The following WDR70 variants were observed in gnomAD, a reference collection of about 807,000 sequenced individuals.
WDR70 encodes the protein WD repeat domain 70, also known as WD repeat-containing protein 70.
Under a neutral mutation model 88.6 loss-of-function variants are expected in WDR70, and 53 were observed. The observed-to-expected ratio is 0.60, with a 90% confidence interval of 0.48 to 0.75. WDR70 has a LOEUF of 0.75. Among genes scored for constraint, WDR70 ranks in the 30% least tolerant of loss-of-function variants. WDR70 has a pLI of 0.00. For synonymous variants in WDR70, 280 were observed against 270.0 expected (o/e 1.04, Z -0.36); for missense variants, 610 against 823.2 (o/e 0.74, Z 3.17).
chr5:37,404,430 A>G (rs1237536555), intron 5 of WDR70, among the ~76,000 whole-genome samples: 1 of 152,246 alleles, frequency 6.6e-6, no homozygotes, highest in East Asian at 1.9e-4. Context: ...ACCCTTTCAT[A>G]TAGCTCAGAG....
At chr5:37,403,571 A>G (rs372410894) in intron 5 of WDR70, among the ~76,000 whole-genome samples, 22 of 152,354 alleles carry the variant, frequency 1.4e-4, no homozygotes, top group African/African-American at 5.3e-4. Context: ...GTTCATAATC[A>G]CTGTGGCACT....
intron 10 of WDR70, among the ~76,000 whole-genome samples, chr5:37,691,376 A>G (rs1212662158): frequency 6.6e-6 from 1 of 152,238 alleles, no homozygotes; most frequent in Non-Finnish European, 1.5e-5. Context: ...AGACATGTAC[A>G]GAACTCTCCA....
At chr5:37,687,336 T>C (rs562134259) in intron 10 of WDR70, among the ~76,000 whole-genome samples, 2 of 152,292 alleles carry the variant, frequency 1.3e-5, no homozygotes, top group South Asian at 4.1e-4. Context: ...TTGTGCCTCT[T>C]TGTTTTATTA....
intron 10 of WDR70, among the ~76,000 whole-genome samples, chr5:37,622,202 T>A (rs986348119): frequency 6.6e-6 from 1 of 152,012 alleles, no homozygotes; most frequent in South Asian, 2.1e-4. Context: ...ATACCATCTC[T>A]CACCAGTTAG....
intron 10 of WDR70, among the ~76,000 whole-genome samples, chr5:37,692,617 C>T (rs914796795): frequency 4.6e-5 from 7 of 152,094 alleles, no homozygotes; most frequent in Non-Finnish European, 1.0e-4. Flanking sequence ...AAAAACACCA[C>T]GTGATTATCT....
chr5:37,735,023 T>C (rs1005849082), intron 17 of WDR70, among the ~76,000 whole-genome samples: 1 of 152,208 alleles, frequency 6.6e-6, no homozygotes, highest in Non-Finnish European at 1.5e-5. Flanking sequence ...AACTTATCCA[T>C]TTTATAAAGA....
chr5:37,452,899 C>T (rs1738718530), intron 7 of WDR70, among the ~76,000 whole-genome samples: 1 of 152,130 alleles, frequency 6.6e-6, no homozygotes, highest in South Asian at 2.1e-4. Context: ...AGATAGAAGT[C>T]CAAGTCTAGG....
chr5:37,414,208 G>A (rs527811688), intron 5 of WDR70, among the ~76,000 whole-genome samples: 4 of 151,060 alleles, frequency 2.6e-5, no homozygotes, highest in African/African-American at 9.7e-5. Context: ...CCAAACGTCT[G>A]GTTTCTTCCT....
chr5:37,484,421 G>A (rs551506536), intron 8 of WDR70, among the ~76,000 whole-genome samples: 171 of 152,262 alleles, frequency 1.1e-3, no homozygotes, highest in African/African-American at 3.9e-3. Context: ...CAGGCGTGGC[G>A]GCGCGCGCCT....
intron 7 of WDR70, among the ~76,000 whole-genome samples, chr5:37,464,862 A>G (rs1739109709): frequency 1.3e-5 from 2 of 152,218 alleles, no homozygotes; most frequent in Admixed American, 6.5e-5. Flanking sequence ...AGGAGCACAC[A>G]AGACTCTTGG....
chr5:37,386,431 A>G (rs1349727618), intron 3 of WDR70, among the ~76,000 whole-genome samples: 2 of 151,970 alleles, frequency 1.3e-5, no homozygotes, highest in Non-Finnish European at 2.9e-5. Flanking sequence ...GGTTCAAGCA[A>G]TTCTCCTGCC....
intron 9 of WDR70, among the ~76,000 whole-genome samples, chr5:37,567,535 T>C (rs548629888): frequency 1.3e-5 from 2 of 152,306 alleles, no homozygotes; most frequent in East Asian, 3.9e-4. Context: ...TTTTTTTCCA[T>C]GCTAGATAAC....
chr5:37,566,968 T>C (rs1179049279), intron 9 of WDR70, among the ~76,000 whole-genome samples: 2 of 152,198 alleles, frequency 1.3e-5, no homozygotes, highest in African/African-American at 4.8e-5. Flanking sequence ...ATAAGGCTTC[T>C]CTGACTCATT....
At chr5:37,705,926 G>A (rs10461983) in intron 13 of WDR70, among the ~76,000 whole-genome samples, 63,909 of 151,894 alleles carry the variant, frequency 0.42, 15,453 homozygotes, top group Non-Finnish European at 0.54. Flanking sequence ...CTCTTCCCAC[G>A]CCCTCTTCTA....
chr5:37,515,532 G>T (rs951369582), intron 8 of WDR70, among the ~76,000 whole-genome samples: 4 of 152,156 alleles, frequency 2.6e-5, no homozygotes, highest in Admixed American at 1.3e-4. Flanking sequence ...CCCCTCATTT[G>T]TATTCCGTAA....
chr5:37,751,603 T>C (rs1748813853), intron 17 of WDR70, among the ~76,000 whole-genome samples: 1 of 152,224 alleles, frequency 6.6e-6, no homozygotes, highest in African/African-American at 2.4e-5. Flanking sequence ...TTTTTACCAT[T>C]CTGGAATTAC....
At chr5:37,521,610 T>C (rs1741091106) in intron 9 of WDR70, among the ~76,000 whole-genome samples, 1 of 152,116 alleles carries the variant, frequency 6.6e-6, no homozygotes, top group East Asian at 1.9e-4. Flanking sequence ...ATTCCTGAGT[T>C]ACTTCACTTA....
rs191588696 is a variant in WDR70, at chr5:37,435,085, A to G, written c.493-2837A>G. Among the ~76,000 whole-genome samples, 15 of 152,362 alleles carry G rather than the reference A, an allele frequency of 9.8e-5. No homozygotes were observed. The South Asian group carries it at 1.0e-3, about 11-fold the overall frequency. On this transcript the variant is annotated intron_variant, in intron 5 of 17. Transcript: ENST00000265107. ...GACTTCCAGTAAAACTTTGATTTTA[A>G]ATGTAAACATTTATTTAAATGGTTA...
At chr5:37,413,903 T>G (rs1749605463) in intron 5 of WDR70, among the ~76,000 whole-genome samples, 1 of 152,050 alleles carries the variant, frequency 6.6e-6, no homozygotes, top group South Asian at 2.1e-4. Context: ...CCCAGCACTT[T>G]GGGATGCCAA....
Sources: allele counts gnomAD v4.1 joint callset (sites outside exome capture counted in the v4.1 genomes callset), GRCh38; gene constraint gnomAD v4.1.1; transcripts MANE v1.5; gene names NCBI Gene and HGNC (gene_info 2026-07-23, HGNC 2026-07-21).